EMP2: variants seen among roughly 807,000 people sequenced by gnomAD.
EMP2 encodes the protein epithelial membrane protein 2.
EMP2 carries 19 observed loss-of-function variants against 13.7 expected under a neutral mutation model. The observed-to-expected ratio is 1.38, with a 90% CI of 0.97 to 2.03. The LOEUF is 2.03. EMP2 is among the 30% of genes most tolerant of loss of function. The probability of loss-of-function intolerance (pLI) is 0.00; values close to 1 mark genes in which losing one functional copy is unlikely to be tolerated. For missense variants in EMP2, 253 were observed against 220.7 expected, an observed-to-expected ratio of 1.15 and a Z score of -0.93; for synonymous variants, 97 against 84.7, an observed-to-expected ratio of 1.15 and a Z score of -0.80.
At chr16:10,537,097 C>A (rs1030461101) in intron 4 of EMP2, among the ~76,000 whole-genome samples, 5 of 152,156 alleles carry the variant, frequency 3.3e-5, no homozygotes, top group South Asian at 2.1e-4. Context: ...TTGGCTCCCA[C>A]ACCCAGATTT....
intron 1 of EMP2, among the ~76,000 whole-genome samples, chr16:10,557,453 A>T (rs1398878505): frequency 6.6e-6 from 1 of 151,876 alleles, no homozygotes; most frequent in African/African-American, 2.4e-5. Flanking sequence ...CTCACTGGCC[A>T]AGCTGAAGCG....
At chr16:10,550,023 C>T (rs2050773686) in intron 1 of EMP2, among the ~76,000 whole-genome samples, 1 of 151,172 alleles carries the variant, frequency 6.6e-6, no homozygotes, top group African/African-American at 2.4e-5. Flanking sequence ...GTAGCTGGGA[C>T]TACAGGCACG....
intron 1 of EMP2, among the ~76,000 whole-genome samples, chr16:10,570,017 T>C (rs1418917533): frequency 1.3e-5 from 2 of 152,260 alleles, no homozygotes; most frequent in Admixed American, 6.5e-5. Flanking sequence ...CAAGCCTCCC[T>C]TCTCCCACTC....
chr16:10,538,108 A>G, intron 3 of EMP2, 34 bp from the exon 4 acceptor site: 1 of 1,607,236 alleles, frequency 6.2e-7, no homozygotes, highest in Non-Finnish European at 8.5e-7. Context: ...AGGACTGAGG[A>G]CCTTGGCCAG....
chr16:10,541,158 T>G (rs1436082190), intron 3 of EMP2, among the ~76,000 whole-genome samples: 1 of 151,592 alleles, frequency 6.6e-6, no homozygotes, highest in Non-Finnish European at 1.5e-5. Context: ...ACCCCAGCAC[T>G]TTGGGAGGCC....
intron 1 of EMP2, among the ~76,000 whole-genome samples, chr16:10,559,868 T>C (rs540002530): frequency 4.3e-4 from 66 of 152,136 alleles, no homozygotes; most frequent in Admixed American, 7.8e-4. Flanking sequence ...AAAGACGGAG[T>C]GTCACCATGT....
At chr16:10,565,464 C>A (rs1240934711) in intron 1 of EMP2, among the ~76,000 whole-genome samples, 1 of 152,220 alleles carries the variant, frequency 6.6e-6, no homozygotes. Context: ...ACATCATCAG[C>A]TCATCCATGG....
rs532070956 is a variant in EMP2, at chr16:10,571,396, G to A, written c.-61+9153C>T. 5.9e-5 allele frequency among the ~76,000 whole-genome samples: 9 copies of A among 152,094 alleles called. No individual in the cohort carries two copies. In the East Asian group the frequency reaches 1.7e-3, roughly 29 times the overall value. ...CGTCTCACCACCAACCACACTGGGG[G>A]CACCTTAAACCCCTGTGCCCTGGCC... On this transcript the variant is annotated intron_variant, in intron 1 of 4. Transcript: ENST00000359543.
intron 3 of EMP2, among the ~76,000 whole-genome samples, chr16:10,541,970 A>C (rs1391116569): frequency 1.3e-5 from 2 of 152,192 alleles, no homozygotes; most frequent in East Asian, 1.9e-4. Context: ...TTTATGATGA[A>C]TATGGATATT....
chr16:10,564,792 G>A (rs1311465264), intron 1 of EMP2, among the ~76,000 whole-genome samples: 1 of 152,072 alleles, frequency 6.6e-6, no homozygotes, highest in Non-Finnish European at 1.5e-5. Flanking sequence ...CTCGGGGCAT[G>A]TGGACAAGTA....
At chr16:10,569,912 A>C (rs1253130173) in intron 1 of EMP2, among the ~76,000 whole-genome samples, 9 of 152,174 alleles carry the variant, frequency 5.9e-5, no homozygotes, top group African/African-American at 1.9e-4. Flanking sequence ...GACAGAGCCA[A>C]CTGCAGGAGG....
intron 3 of EMP2, among the ~76,000 whole-genome samples, chr16:10,542,797 T>A (rs2142177244): frequency 6.6e-6 from 1 of 152,352 alleles, no homozygotes; most frequent in South Asian, 2.1e-4. Context: ...GAAATTGACA[T>A]GCCCAATGCA....
At chr16:10,557,831 G>C (rs2050842298) in intron 1 of EMP2, among the ~76,000 whole-genome samples, 1 of 152,064 alleles carries the variant, frequency 6.6e-6, no homozygotes, top group Admixed American at 6.5e-5. Context: ...AAAGGAAAAA[G>C]AACCCATAAC....
intron 1 of EMP2, among the ~76,000 whole-genome samples, chr16:10,579,182 G>A (rs770156588): frequency 2.6e-5 from 4 of 152,092 alleles, no homozygotes; most frequent in Non-Finnish European, 5.9e-5. Flanking sequence ...AGCTCAGGTC[G>A]CCATCCTTCC....
chr16:10,574,145 C>T (rs1161258026), intron 1 of EMP2, among the ~76,000 whole-genome samples: 3 of 151,960 alleles, frequency 2.0e-5, no homozygotes, highest in Admixed American at 2.0e-4. Flanking sequence ...ACTATATTGG[C>T]CAGGCTGATC....
chr16:10,564,979 AAC>A (rs1236260872), intron 1 of EMP2, among the ~76,000 whole-genome samples: 3 of 152,236 alleles, frequency 2.0e-5, no homozygotes, highest in Non-Finnish European at 2.9e-5. Context: ...GGAAAAAATA[AAC>A]ACAATGAAAA....
intron 1 of EMP2, among the ~76,000 whole-genome samples, chr16:10,557,214 A>G (rs1349510374): frequency 6.6e-6 from 1 of 151,980 alleles, no homozygotes; most frequent in Non-Finnish European, 1.5e-5. Flanking sequence ...AATATTATCC[A>G]GGCACGGTGG....
Position 10,532,686 on chromosome 16 carries a change from C to G in EMP2, c.*219G>C. On this transcript the variant is annotated 3_prime_UTR_variant, in exon 5 of 5. Transcript: ENST00000359543. ...AGTGGGCAGCAGTTCTGAATACCAG[C>G]CTTCATAGTCTATTCTCTGATCTCA... The G allele has an allele frequency of 3.0e-6, 1 of 335,910 alleles. No homozygotes were observed. Among genetic ancestry groups the G allele is most frequent in the Non-Finnish European group, 5.1e-6 (1 of 197,844 alleles). 20.8% of individuals were successfully genotyped at this position (335,910 alleles called of 1,614,324 possible).
At chr16:10,561,918 A>T (rs1329915884) in intron 1 of EMP2, among the ~76,000 whole-genome samples, 3 of 152,242 alleles carry the variant, frequency 2.0e-5, no homozygotes, top group African/African-American at 4.8e-5. Context: ...AAAAGGGTTT[A>T]TCCAGGGCCT....
Sources: allele counts gnomAD v4.1 joint callset (sites outside exome capture counted in the v4.1 genomes callset), GRCh38; gene constraint gnomAD v4.1.1; transcripts MANE v1.5; gene names NCBI Gene and HGNC (gene_info 2026-07-23, HGNC 2026-07-21).